AIG1: variants seen among roughly 807,000 people sequenced by gnomAD.
AIG1 encodes the protein androgen-induced gene 1 protein.
In AIG1, 23 loss-of-function variants were observed where a neutral mutation model predicts 31.4. That is an observed-to-expected ratio of 0.73 (90% CI 0.53 to 1.04). AIG1 has a LOEUF of 1.04. AIG1 is among the 50% of genes least tolerant of loss of function. The probability of loss-of-function intolerance (pLI) is 0.00; values close to 1 mark genes in which losing one functional copy is unlikely to be tolerated. For synonymous variants in AIG1, 100 were observed against 110.5 expected, an observed-to-expected ratio of 0.90 and a Z score of 0.60; for missense variants, 274 against 295.0, an observed-to-expected ratio of 0.93 and a Z score of 0.52.
At chr6:143,149,532 CAAAAAAAAA>C (rs71767812) in intron 2 of AIG1, among the ~76,000 whole-genome samples, 6 of 39,990 alleles carry the variant, frequency 1.5e-4, no homozygotes, top group Non-Finnish European at 1.6e-4. Context: ...GACTCTGTCT[CAAAAAAAAA>C]AAAAAAAAAA....
In AIG1 at chr6:143,186,912, A is replaced by G. The variant is rs557829983; in HGVS notation, c.399+21729A>G. The G allele has an allele frequency of 2.4e-5, 4 of 165,950 alleles. No homozygotes were observed. The South Asian group carries it at 6.4e-4, about 27-fold the overall frequency. 10.3% of individuals were successfully genotyped at this position (165,950 alleles called of 1,614,324 possible). On this transcript the variant is annotated intron_variant, in intron 3 of 5. Coordinates refer to ENST00000357847, the MANE Select transcript of AIG1 (RefSeq NM_016108.4). ...CGTGGAGCTTGTTGTGGGATTCACA[A>G]GGTTGCCCTTGCAAGTACAGAATAC...
At chr6:143,290,460 C>T (rs552926128) in intron 4 of AIG1, among the ~76,000 whole-genome samples, 7 of 152,316 alleles carry the variant, frequency 4.6e-5, no homozygotes, top group South Asian at 4.1e-4. Flanking sequence ...GTGTGTTTAC[C>T]GGAGTTGCGC....
At chr6:143,125,589 G>A (rs1437648640) in intron 1 of AIG1, among the ~76,000 whole-genome samples, 3 of 152,144 alleles carry the variant, frequency 2.0e-5, no homozygotes, top group African/African-American at 7.2e-5. Flanking sequence ...AACACCCTGG[G>A]GGGGAATTTT....
chr6:143,223,330 A>C (rs1481485248), intron 3 of AIG1, among the ~76,000 whole-genome samples: 1 of 152,212 alleles, frequency 6.6e-6, no homozygotes, highest in African/African-American at 2.4e-5. Flanking sequence ...GTAAACAAGG[A>C]AAGTTTGTTT....
intron 3 of AIG1, among the ~76,000 whole-genome samples, chr6:143,232,214 A>G (rs919352882): frequency 6.6e-6 from 1 of 152,194 alleles, no homozygotes; most frequent in Non-Finnish European, 1.5e-5. Flanking sequence ...AAACCCCAGC[A>G]ATTAGTAGAC....
At chr6:143,103,859 T>C (rs1780562059) in intron 1 of AIG1, among the ~76,000 whole-genome samples, 1 of 151,974 alleles carries the variant, frequency 6.6e-6, no homozygotes, top group Admixed American at 6.6e-5. Flanking sequence ...AAAGGAGCAT[T>C]ACCTGGGCCT....
intron 3 of AIG1, among the ~76,000 whole-genome samples, chr6:143,221,092 G>A (rs1202454121): frequency 6.6e-6 from 1 of 152,048 alleles, no homozygotes; most frequent in African/African-American, 2.4e-5. Context: ...CCTGCCACGG[G>A]TGCTTTAATG....
intron 3 of AIG1, among the ~76,000 whole-genome samples, chr6:143,263,577 G>A (rs1430041613): frequency 6.6e-6 from 1 of 152,026 alleles, no homozygotes; most frequent in Non-Finnish European, 1.5e-5. Flanking sequence ...TAAAAATGTA[G>A]AAACAAGAAA....
intron 3 of AIG1, among the ~76,000 whole-genome samples, chr6:143,249,054 A>G (rs574511722): frequency 2.6e-5 from 4 of 152,316 alleles, no homozygotes; most frequent in Non-Finnish European, 5.9e-5. Flanking sequence ...GTATATAATT[A>G]TATAGGATGA....
Position 143,258,303 on chromosome 6 carries a change from A to G in AIG1, c.400-25807A>G, listed in dbSNP as rs1795504363. 6.6e-6 allele frequency among the ~76,000 whole-genome samples: 1 copy of G among 152,240 alleles called. No individual in the cohort carries two copies. ...AACAAATTCAAATGAGCTCATGTTC[A>G]TTCAGCCTCTTCATGAATTTTGTGA... On this transcript the variant is annotated intron_variant, in intron 3 of 5. Transcript: ENST00000357847. The surrounding 1 kb of genome is among the most constrained non-coding windows in gnomAD (Gnocchi z 4.7).
chr6:143,172,478 T>C (rs558531086), intron 3 of AIG1, among the ~76,000 whole-genome samples: 1 of 152,332 alleles, frequency 6.6e-6, no homozygotes, highest in East Asian at 1.9e-4. Context: ...TAGTATTTTA[T>C]TGAGGATTTT....
chr6:143,137,056 GA>G (rs900458348), intron 2 of AIG1, 66 bp downstream of exon 2: 45 of 1,288,156 alleles, frequency 3.5e-5, no homozygotes, highest in South Asian at 9.4e-5. Context: ...ACTTCTAAGA[GA>G]AAAAAAAAGA....
At chr6:143,199,868 G>A (rs918028972) in intron 3 of AIG1, among the ~76,000 whole-genome samples, 4 of 152,172 alleles carry the variant, frequency 2.6e-5, no homozygotes, top group Admixed American at 6.5e-5. Context: ...CATCAAATTA[G>A]AAGGATCAGG....
intron 1 of AIG1, among the ~76,000 whole-genome samples, chr6:143,134,978 T>G (rs1446943867): frequency 2.6e-5 from 4 of 152,118 alleles, no homozygotes; most frequent in Non-Finnish European, 5.9e-5. Context: ...TTCAGTTTAC[T>G]ATGAGTTTAT....
intron 2 of AIG1, among the ~76,000 whole-genome samples, chr6:143,153,068 C>T (rs910555109): frequency 6.6e-6 from 1 of 152,122 alleles, no homozygotes; most frequent in African/African-American, 2.4e-5. Context: ...ATCTGCAAAT[C>T]CAGAGCGACA....
intron 3 of AIG1, among the ~76,000 whole-genome samples, chr6:143,197,076 T>C (rs1306888581): frequency 6.6e-6 from 1 of 152,164 alleles, no homozygotes; most frequent in Non-Finnish European, 1.5e-5. Context: ...TGCATGCTGA[T>C]GATCCAGCAA....
At chr6:143,221,487 C>T (rs902083713) in intron 3 of AIG1, among the ~76,000 whole-genome samples, 1 of 151,956 alleles carries the variant, frequency 6.6e-6, no homozygotes, top group Non-Finnish European at 1.5e-5. Flanking sequence ...TAACTTTTAT[C>T]TAGGTCCAAA....
At position 143,154,358 on chromosome 6, in the gene AIG1, A is replaced by T. The variant is rs146270574; in HGVS notation, c.298-10724A>T. ...CAGCCTTAATAAAGCACTGAGAAAG[A>T]TTGCATGCATATAATAGTCTCAAAA... On this transcript the variant is annotated intron_variant, in intron 2 of 5. Coordinates refer to ENST00000357847, the MANE Select transcript of AIG1 (RefSeq NM_016108.4). Among the ~76,000 whole-genome samples, 296 of 152,298 alleles carry T rather than the reference A, an allele frequency of 1.9e-3. 2 individuals carry two copies. The highest frequency in any genetic ancestry group is 6.7e-3 in the African/African-American group (277 of 41,560).
intron 1 of AIG1, among the ~76,000 whole-genome samples, chr6:143,096,749 G>T (rs955735853): frequency 6.6e-6 from 1 of 152,186 alleles, no homozygotes; most frequent in Middle Eastern, 3.4e-3. Context: ...TCTTAATGAC[G>T]CTTCTGTCTT....
Sources: allele counts gnomAD v4.1 joint callset (sites outside exome capture counted in the v4.1 genomes callset), GRCh38; gene constraint gnomAD v4.1.1; non-coding constraint Gnocchi (gnomAD v3.1); transcripts MANE v1.5; gene names NCBI Gene and HGNC (gene_info 2026-07-23, HGNC 2026-07-21).